Variants in SLIT3 observed in about 807,000 individuals in gnomAD.
The protein encoded by SLIT3 is slit guidance ligand 3, also known as slit homolog 3 protein.
Under a neutral mutation model 184.0 loss-of-function variants are expected in SLIT3, and 68 were observed. The observed-to-expected ratio is 0.37, with a 90% CI of 0.30 to 0.45. The LOEUF (loss-of-function observed/expected upper bound fraction) is 0.45, where lower values mean the gene tolerates loss of function less well. Ranked by LOEUF, SLIT3 falls within the 20% of genes least tolerant of loss-of-function variation. The probability of loss-of-function intolerance (pLI) is 1.00; values close to 1 mark genes in which losing one functional copy is unlikely to be tolerated. For synonymous variants in SLIT3, 831 were observed against 828.6 expected (o/e 1.00, Z -0.05); for missense variants, 1,707 against 2,026.0 (o/e 0.84, Z 3.02).
intron 4 of SLIT3, among the ~76,000 whole-genome samples, chr5:169,083,036 CAT>C (rs1269283274): frequency 2.6e-5 from 4 of 152,186 alleles, no homozygotes; most frequent in African/African-American, 9.7e-5. Flanking sequence ...CCATATGTAA[CAT>C]ATGTTATTCA....
chr5:168,990,679 A>G (rs887057803), intron 4 of SLIT3, among the ~76,000 whole-genome samples: 8 of 152,144 alleles, frequency 5.3e-5, no homozygotes, highest in Admixed American at 4.6e-4. Context: ...ACTCTTTTTA[A>G]AAGCAGGGGA....
intron 3 of SLIT3, among the ~76,000 whole-genome samples, chr5:169,223,696 T>A (rs922423540): frequency 2.6e-5 from 4 of 152,130 alleles, no homozygotes; most frequent in African/African-American, 9.7e-5. Context: ...CCTTTGGAGA[T>A]AAAAAAGATT....
At chr5:169,140,416 G>A (rs151103463) in intron 4 of SLIT3, among the ~76,000 whole-genome samples, 1,496 of 146,790 alleles carry the variant, frequency 0.01, 18 homozygotes, top group Non-Finnish European at 0.016. Context: ...GGAGGCGGAG[G>A]TTGCAGTGAG....
intron 4 of SLIT3, among the ~76,000 whole-genome samples, chr5:168,897,799 C>T (rs969491765): frequency 4.6e-5 from 7 of 152,172 alleles, no homozygotes; most frequent in East Asian, 1.9e-4. Flanking sequence ...AGGATCTCCT[C>T]CTGAGATTCC....
rs112102059 is a variant in SLIT3 at position 169,034,912 on chromosome 5, AGTGTGTGTGT to A, written c.414-151586_414-151577del. Among the ~76,000 whole-genome samples the A allele has an allele frequency of 9.8e-3, 1,304 of 132,406 alleles. 20 individuals are homozygous for A. Among genetic ancestry groups the A allele is most frequent in the African/African-American group, 0.031 (1,102 of 35,254 alleles). The allele number at this position is 132,406 out of a possible 152,430, so 86.9% of individuals were successfully genotyped here. A position where few individuals can be genotyped will look rare whatever the true frequency, so the allele number is the denominator to read the frequency against. ...CAGGTACAAGCCACCACGCCCAGCT[AGTGTGTGTGT>A]GTGTGTGTGTGTGTGTGTGTGTGTG... On this transcript the variant is annotated intron_variant, in intron 4 of 35. Transcript: ENST00000519560.
At position 168,857,347 on chromosome 5, in the gene SLIT3, C is replaced by A. The variant is rs572984740; in HGVS notation, c.486-12692G>T. 2.6e-5 allele frequency among the ~76,000 whole-genome samples: 4 copies of A among 152,010 alleles called. No homozygotes were observed. The East Asian group carries it at 7.7e-4, about 29-fold the overall frequency. Reference sequence around the variant, plus strand: ...GATAAGAAAGAGTGATTTTCTTTTTCTCATTTGCCAGCAGTAGAGTTTTTG... The same window carrying A: ...GATAAGAAAGAGTGATTTTCTTTTTATCATTTGCCAGCAGTAGAGTTTTTG... On this transcript the variant is annotated intron_variant, in intron 5 of 35. Coordinates refer to ENST00000519560, the MANE Select transcript of SLIT3 (RefSeq NM_003062.4).
Position 168,844,622 on chromosome 5 carries a change from T to C in SLIT3, c.519A>G (p.Glu173=), listed in dbSNP as rs1758390755. 6.2e-7 allele frequency: 1 copy of C among 1,614,212 alleles called. No individual in the cohort carries two copies. Among genetic ancestry groups the C allele is most frequent in the East Asian group, 2.2e-5 (1 of 44,880 alleles). Residue 173 remains glutamate (E), a synonymous_variant, in exon 6 of 36, where the codon GAA becomes GAG. Coordinates refer to ENST00000519560, the MANE Select transcript of SLIT3 (RefSeq NM_003062.4). ...CGCGCAGCGCTCGGAAGGCTCCATCTTCAATGCAGCTGATGTGGTTGTTGT... is the reference window on the plus strand; with the variant it reads ...CGCGCAGCGCTCGGAAGGCTCCATCCTCAATGCAGCTGATGTGGTTGTTGT... The part of the protein sequence containing the change: ...QLDNNHISCI[E]DGAFRALRDL...
chr5:168,766,877 T>G (rs1442962461), intron 14 of SLIT3, among the ~76,000 whole-genome samples: 1 of 152,224 alleles, frequency 6.6e-6, no homozygotes, highest in Non-Finnish European at 1.5e-5. Flanking sequence ...TACTAACAGA[T>G]GAAAGTCTGA....
In SLIT3 at chr5:169,130,146, C is replaced by T. The variant is rs11956584; in HGVS notation, c.413+63333G>A. Among the ~76,000 whole-genome samples, 818 of 152,270 alleles carry T rather than the reference C, an allele frequency of 5.4e-3. 7 individuals carry two copies. Among genetic ancestry groups the T allele is most frequent in the African/African-American group, 0.018 (766 of 41,544 alleles). The stretch of plus-strand genomic sequence containing the variant: ...ACAGGCATGAGCCACCGTGCCCAGC[C>T]AGTTTCTTAGTTTTGACAAATGTAC... On this transcript the variant is annotated intron_variant, in intron 4 of 35. Coordinates refer to ENST00000519560, the MANE Select transcript of SLIT3 (RefSeq NM_003062.4).
chr5:168,823,479 T>C (rs919084996), intron 6 of SLIT3, 148 bp from the exon 7 acceptor site: 1 of 733,118 alleles, frequency 1.4e-6, no homozygotes, highest in African/African-American at 1.7e-5. Flanking sequence ...TGAAGACAAG[T>C]GGACAGGTCT....
intron 20 of SLIT3, among the ~76,000 whole-genome samples, chr5:168,742,947 T>C (rs1266367923): frequency 6.6e-6 from 1 of 151,466 alleles, no homozygotes; most frequent in African/African-American, 2.4e-5. Flanking sequence ...GCCAACAGGG[T>C]GAAACACCAT....
chr5:168,666,442 G>GCGGGCA lies in SLIT3; in HGVS notation c.*6_*11dup. ...CTGGAGTCCGAGAGGTGGCAGGCAG[G>GCGGGCA]CGGGCAGGGGCTTAGGAACACGCGA... On this transcript the variant is annotated 3_prime_UTR_variant, in exon 36 of 36. Transcript: ENST00000519560. The GCGGGCA allele has an allele frequency of 6.5e-7, 1 of 1,536,150 alleles. No individual in the cohort carries two copies. The highest frequency in any genetic ancestry group is 8.8e-7 in the Non-Finnish European group (1 of 1,139,350).
intron 1 of SLIT3, among the ~76,000 whole-genome samples, chr5:169,262,599 C>T (rs1302920732): frequency 1.3e-5 from 2 of 152,142 alleles, no homozygotes; most frequent in African/African-American, 4.8e-5. Flanking sequence ...AGCAAGGAAA[C>T]CACCAATTTA....
chr5:169,103,582 G>A (rs1016535013), intron 4 of SLIT3, among the ~76,000 whole-genome samples: 1 of 152,202 alleles, frequency 6.6e-6, no homozygotes, highest in Non-Finnish European at 1.5e-5. Context: ...CAAAATGCAG[G>A]GATTAAGTTC....
intron 13 of SLIT3, 108 bp downstream of exon 13, chr5:168,774,127 C>G (rs893533739): frequency 9.1e-7 from 1 of 1,096,366 alleles, no homozygotes; most frequent in Non-Finnish European, 1.3e-6. Context: ...GGCTCTAGAA[C>G]TCCTCCTGGA....
At chr5:169,140,931 A>T (rs1415419409) in intron 4 of SLIT3, among the ~76,000 whole-genome samples, 1 of 152,104 alleles carries the variant, frequency 6.6e-6, no homozygotes, top group Non-Finnish European at 1.5e-5. Context: ...CTACAGTAGA[A>T]CCCTACCCTT....
intron 20 of SLIT3, among the ~76,000 whole-genome samples, chr5:168,737,455 G>GTA (rs565236126): frequency 7.3e-5 from 11 of 151,454 alleles, no homozygotes; most frequent in South Asian, 2.1e-4. Flanking sequence ...TCAGTGCTGT[G>GTA]CACACACACA....
chr5:168,712,344 C>T lies in SLIT3; in HGVS notation c.2494G>A (p.Gly832Ser). 1 of 1,614,152 alleles carries T rather than the reference C, an allele frequency of 6.2e-7. No individual in the cohort carries two copies. The highest frequency in any genetic ancestry group is 2.2e-5 in the East Asian group (1 of 44,884). The change falls in exon 24 of 36, where the codon GGC (glycine) becomes AGC (serine). Residue 832 changes from glycine (G) to serine (S), a missense_variant. Transcript: ENST00000519560. Reference sequence around the variant, plus strand: ...TCAGGAACGCTGGAAATGTCATTGCCATGGAGGGTTCTGAAGCAGAGGGCA... The same window carrying T: ...TCAGGAACGCTGGAAATGTCATTGCTATGGAGGGTTCTGAAGCAGAGGGCA... ...LRSLRVLTLHGNDISSVPEGS... is the reference protein window; with the variant it reads ...LRSLRVLTLHSNDISSVPEGS...
chr5:169,208,796 C>G (rs967910427), intron 3 of SLIT3, among the ~76,000 whole-genome samples: 2 of 151,998 alleles, frequency 1.3e-5, no homozygotes, highest in Non-Finnish European at 2.9e-5. Flanking sequence ...GGATTAAAGA[C>G]TTAAAAATTA....
Sources: gnomAD v4.1 joint callset for allele counts (sites outside exome capture counted in the v4.1 genomes callset) on GRCh38, gnomAD v4.1.1 for gene constraint, MANE v1.5 for transcripts, NCBI Gene and HGNC (gene_info 2026-07-23, HGNC 2026-07-21) for gene names.